Variants in KRT33A observed in about 807,000 individuals in gnomAD.
The protein encoded by KRT33A is keratin 33A.
Under a neutral mutation model 41.1 loss-of-function variants are expected in KRT33A, and 44 were observed. That is an observed-to-expected ratio of 1.07 (90% confidence interval 0.84 to 1.38). The LOEUF (loss-of-function observed/expected upper bound fraction) is 1.38, where lower values mean the gene tolerates loss of function less well. Ranked by LOEUF, KRT33A falls within the 40% of genes most tolerant of loss-of-function variation. KRT33A has a pLI of 0.00. For missense variants in KRT33A, 536 were observed against 518.5 expected (o/e 1.03, Z -0.33); for synonymous variants, 229 against 227.8 (o/e 1.01, Z -0.05).
Position 41,346,456 on chromosome 17 carries a change from C to T in KRT33A, c.1089G>A (p.Glu363=), listed in dbSNP as rs1394154669. The change falls in exon 6 of 7, where the codon GAG becomes GAA. Residue 363 remains glutamate, a synonymous_variant. Coordinates refer to ENST00000007735, the MANE Select transcript of KRT33A (RefSeq NM_004138.4). ...ACTACCCCCATACTGACTTGCAGTC[C>T]TCGCTCTCCAGCAGGCTCCGGTACG... The part of the protein sequence containing the change: ...INTYRSLLES[E]DCKLPSNPCA... The T allele has an allele frequency of 1.9e-6, 3 of 1,613,920 alleles. No individual in the cohort carries two copies.
Position 41,347,126 on chromosome 17 carries a change from T to G in KRT33A, c.685A>C (p.Arg229=), listed in dbSNP as rs767928812. Residue 229 remains arginine (R), a synonymous_variant, in exon 4 of 7, where the codon AGG becomes CGG. Transcript: ENST00000007735. ...TCCACCAGGGCCTCATACTGACTCC[T>G]GGTCTCATTCAGGACCTGGTTCAGG... ...VDLNQVLNET[R]SQYEALVETN... The G allele has an allele frequency of 6.2e-7, 1 of 1,614,174 alleles. No homozygotes were observed. The highest frequency in any genetic ancestry group is 8.5e-7 in the Non-Finnish European group (1 of 1,180,020).
rs763128621 is a variant in KRT33A, at chr17:41,347,110, G to A, written c.701C>T (p.Ala234Val). Residue 234 changes from alanine to valine, a missense_variant, in exon 4 of 7, where the codon GCC becomes GTC. Physicochemically the swap from Ala to Val is moderately conservative, Grantham distance 64. Transcript: ENST00000007735. ...TTCCCTGCGGTTGGTTTCCACCAGG[G>A]CCTCATACTGACTCCTGGTCTCATT... ...VLNETRSQYEALVETNRREVE... is the reference protein window; with the variant it reads ...VLNETRSQYEVLVETNRREVE... The A allele has an allele frequency of 2.5e-6, 4 of 1,614,054 alleles. 1 individual carries two copies. The highest frequency in any genetic ancestry group is 1.3e-5 in the African/African-American group (1 of 74,916).
Position 41,350,701 on chromosome 17 carries a change from G to A in KRT33A, c.67C>T (p.Pro23Ser), listed in dbSNP as rs772542982. 1.2e-6 allele frequency: 2 copies of A among 1,612,240 alleles called. No homozygotes were observed. Among genetic ancestry groups the A allele is most frequent in the East Asian group, 2.2e-5 (1 of 44,868 alleles). Residue 23 changes from proline (P) to serine (S), a missense_variant, in exon 1 of 7, where the codon CCC (proline) becomes TCC (serine). Coordinates refer to ENST00000007735, the MANE Select transcript of KRT33A (RefSeq NM_004138.4). The part of the protein sequence containing the change: ...RTSCSSRPCV[P>S]PSCHGCTLPG... ...AGGGTGCAGCCGTGGCAGCTGGGGG[G>A]CACACAGGGCCGGGAGGAGCAGCTG... is the stretch of plus-strand genomic sequence containing the variant.
chr17:41,349,424 A>G lies in KRT33A; in HGVS notation c.353T>C (p.Leu118Pro), dbSNP rs766611698. Residue 118 changes from leucine (L) to proline (P), a missense_variant, in exon 2 of 7, where the codon CTG (leucine) becomes CCG (proline). By Grantham distance (98) the Leu-to-Pro change is moderately conservative. Coordinates refer to ENST00000007735, the MANE Select transcript of KRT33A (RefSeq NM_004138.4). ...CCTGGCATTCTCAGACTTGCTGCAC[A>G]GGATCTAGAAGGCCCAAAACATTCA... is the stretch of plus-strand genomic sequence containing the variant. ...KTIEELQQKI[L>P]CSKSENARLV... 1 of 1,614,112 alleles carries G rather than the reference A, an allele frequency of 6.2e-7. No individual in the cohort carries two copies. The highest frequency in any genetic ancestry group is 2.2e-5 in the East Asian group (1 of 44,870).
intron 1 of KRT33A, 22 bp downstream of exon 1, chr17:41,350,398 C>A (rs1017451067): frequency 6.2e-7 from 1 of 1,606,962 alleles, no homozygotes; most frequent in South Asian, 1.1e-5. Flanking sequence ...CTACTGGAGG[C>A]ACTGTGTCGC....
chr17:41,350,764 A>G lies in KRT33A; in HGVS notation c.4T>C (p.Ser2Pro), dbSNP rs570013148. The G allele has an allele frequency of 3.1e-6, 5 of 1,610,842 alleles. No homozygotes were observed. The Admixed American group carries it at 5.0e-5, about 16-fold the overall frequency. The change falls in exon 1 of 7, where the codon TCT becomes CCT. Residue 2 changes from serine (S) to proline (P), a missense_variant. Physicochemically the swap from Ser to Pro is moderately conservative, Grantham distance 74. Coordinates refer to ENST00000007735, the MANE Select transcript of KRT33A (RefSeq NM_004138.4). Reference protein sequence around the residue: MSYSCGLPSLSC... With the variant: MPYSCGLPSLSC... Reference sequence around the variant, plus strand: ...AGGCTGGGCAGGCCACAACTGTAAGACATGGTGCAGGGAGGGAGTGTCCAG... The same window carrying G: ...AGGCTGGGCAGGCCACAACTGTAAGGCATGGTGCAGGGAGGGAGTGTCCAG...
rs777707598 is a variant in KRT33A at position 41,348,582 on chromosome 17, G to A, written c.489C>T (p.Arg163=). The change falls in exon 3 of 7, where the codon CGC becomes CGT. Residue 163 remains arginine, a synonymous_variant. Transcript: ENST00000007735. ...ACAGGGTCAGCTCATCCAGGATCCT[G>A]CGCAGGCCATTGATGTCCGACTCCA... ...QLVESDINGL[R]RILDELTLCR... 1 of 1,614,070 alleles carries A rather than the reference G, an allele frequency of 6.2e-7. No homozygotes were observed.
rs1175259114 is a variant in KRT33A at position 41,350,655 on chromosome 17, G to A, written c.113C>T (p.Pro38Leu). The change falls in exon 1 of 7, where the codon CCC (proline) becomes CTC (leucine). Residue 38 changes from proline to leucine, a missense_variant. Transcript: ENST00000007735. ...CCAGTTGCAGTTGCTCACATTGGCG[G>A]GGATGTTGCAGGCCCCGGGCAGGGT... ...GCTLPGACNIPANVSNCNWFC... is the reference protein window; with the variant it reads ...GCTLPGACNILANVSNCNWFC... 3.1e-5 allele frequency: 50 copies of A among 1,612,226 alleles called. No individual in the cohort carries two copies. Among genetic ancestry groups the A allele is most frequent in the Non-Finnish European group, 3.9e-5 (46 of 1,180,038 alleles).
In KRT33A at chr17:41,347,181, G is replaced by C; in HGVS notation, c.630C>G (p.Asn210Lys). 1.2e-6 allele frequency: 2 copies of C among 1,613,718 alleles called. No homozygotes were observed. Among genetic ancestry groups the C allele is most frequent in the Non-Finnish European group, 1.7e-6 (2 of 1,179,882 alleles). ...CAGTGGGAGCAGCGTCCACCTCCAC[G>C]TTGAGGCGGTCTCCAAGCTGGCAGC... Reference protein sequence around the residue: ...TLRCQLGDRLNVEVDAAPTVD... With the variant: ...TLRCQLGDRLKVEVDAAPTVD... Residue 210 changes from asparagine to lysine, a missense_variant, in exon 4 of 7, where the codon AAC becomes AAG. Physicochemically the swap from Asn to Lys is moderately conservative, Grantham distance 94 (BLOSUM62 0). Transcript: ENST00000007735.
At chr17:41,349,479 C>A (rs746546391) in intron 1 of KRT33A, 51 bp from the exon 2 acceptor site, 1 of 1,583,966 alleles carries the variant, frequency 6.3e-7, no homozygotes, top group South Asian at 1.1e-5. Flanking sequence ...TAATTTTTCA[C>A]CAATGGCAGT....
In KRT33A at chr17:41,346,535, T is replaced by C. The variant is rs150551885; in HGVS notation, c.1010A>G (p.Gln337Arg). Residue 337 changes from glutamine to arginine, a missense_variant, in exon 6 of 7, where the codon CAG (glutamine) becomes CGG (arginine). Transcript: ENST00000007735. ...EIRSDLERQNQEYQVLLDVRA... is the reference protein window; with the variant it reads ...EIRSDLERQNREYQVLLDVRA... The stretch of plus-strand genomic sequence containing the variant: ...CACGTCCAGCAGCACCTGATACTCC[T>C]GGTTCTGCCGCTCCAGGTCACTGCG... The C allele has an allele frequency of 1.1e-4, 173 of 1,614,062 alleles. No homozygotes were observed. The highest frequency in any genetic ancestry group is 1.4e-4 in the Non-Finnish European group (169 of 1,180,040).
At chr17:41,349,682 C>T (rs1199921438) in intron 1 of KRT33A, among the ~76,000 whole-genome samples, 1 of 151,838 alleles carries the variant, frequency 6.6e-6, no homozygotes, top group East Asian at 1.9e-4. Context: ...TAATAGTTGA[C>T]ATTTATGAAA....
In KRT33A at chr17:41,348,603, C is replaced by T; in HGVS notation, c.468G>A (p.Glu156=). 1.2e-6 allele frequency: 2 copies of T among 1,614,132 alleles called. No individual in the cohort carries two copies. The highest frequency in any genetic ancestry group is 1.7e-6 in the Non-Finnish European group (2 of 1,180,020). ...ETELSLRQLV[E]SDINGLRRIL... ...TCCTGCGCAGGCCATTGATGTCCGA[C>T]TCCACCAGCTGCCGCAGGGACAGCT... Residue 156 remains glutamate, a synonymous_variant, in exon 3 of 7, where the codon GAG becomes GAA. Coordinates refer to ENST00000007735, the MANE Select transcript of KRT33A (RefSeq NM_004138.4).
intron 2 of KRT33A, 129 bp downstream of exon 2, chr17:41,349,217 G>T: frequency 1.2e-6 from 1 of 865,506 alleles, no homozygotes; most frequent in Non-Finnish European, 1.8e-6. Flanking sequence ...GTGGCTCTGT[G>T]AATCTTGGAG....
In KRT33A at chr17:41,350,542, G is replaced by A. The variant is rs771962096; in HGVS notation, c.226C>T (p.Gln76Ter). The stretch of plus-strand genomic sequence containing the variant: ...AGCTCCGCGTTGTCCCGCTCCAGCT[G>A]ACGCACCTTCTCCAGGTAGCTGGCC... ...RLASYLEKVR[Q>*]LERDNAELEN... is the part of the protein sequence containing the mutation. Residue 76 changes from glutamine (Q) to a stop codon, truncating the protein, a stop_gained, in exon 1 of 7, where the codon CAG becomes TAG. Transcript: ENST00000007735. LOFTEE classifies it high-confidence loss of function. 1.1e-5 allele frequency: 18 copies of A among 1,613,956 alleles called. No homozygotes were observed. The highest frequency in any genetic ancestry group is 1.6e-4 in the Middle Eastern group (1 of 6,068).
rs1322525178 is a variant in KRT33A at position 41,350,631 on chromosome 17, C to A, written c.137G>T (p.Trp46Leu). The change falls in exon 1 of 7, where the codon TGG becomes TTG. Residue 46 changes from tryptophan to leucine, a missense_variant. Physicochemically the swap from Trp to Leu is moderately conservative, Grantham distance 61 (BLOSUM62 -2). Transcript: ENST00000007735. ...NIPANVSNCN[W>L]FCEGSFNGSE... ...GCCATTGAAGGAGCCCTCACAGAAC[C>A]AGTTGCAGTTGCTCACATTGGCGGG... The A allele has an allele frequency of 7.4e-6, 12 of 1,612,448 alleles. 1 individual carries two copies. The Admixed American group carries it at 1.3e-4, about 18-fold the overall frequency.
intron 2 of KRT33A, 141 bp from the exon 3 acceptor site, chr17:41,348,780 G>C (rs550864862): frequency 1.2e-6 from 1 of 861,606 alleles, no homozygotes; most frequent in African/African-American, 1.7e-5. Flanking sequence ...TTTCAGCATC[G>C]AGCTGGAAGA....
At chr17:41,350,306 A>C in intron 1 of KRT33A, 114 bp downstream of exon 1, 22 of 1,245,684 alleles carry the variant, frequency 1.8e-5, no homozygotes, top group South Asian at 3.1e-5. Context: ...ACAAAATGGA[A>C]AGGCCAGTTT....
chr17:41,347,067 G>A lies in KRT33A; in HGVS notation c.744C>T (p.Ala248=), dbSNP rs757658389. 2.5e-6 allele frequency: 4 copies of A among 1,613,452 alleles called. No individual in the cohort carries two copies. The East Asian group carries it at 6.7e-5, about 27-fold the overall frequency. The change falls in exon 4 of 7, where the codon GCC becomes GCT. Residue 248 remains alanine, a synonymous_variant. Coordinates refer to ENST00000007735, the MANE Select transcript of KRT33A (RefSeq NM_004138.4). ...TNRREVEQWF[A]TQTEELNKQV... is the part of the protein sequence containing the mutation. Reference sequence around the variant, plus strand: ...CACGTGCTTAGATGCCCACCTGCGTGGCGAACCATTGCTCCACTTCCCTGC... The same window carrying A: ...CACGTGCTTAGATGCCCACCTGCGTAGCGAACCATTGCTCCACTTCCCTGC...
Sources: gnomAD v4.1 joint callset for allele counts (sites outside exome capture counted in the v4.1 genomes callset) on GRCh38, gnomAD v4.1.1 for gene constraint, MANE v1.5 for transcripts, NCBI Gene and HGNC (gene_info 2026-07-23, HGNC 2026-07-21) for gene names.